Variants in PCDHGB2 observed in about 807,000 individuals in gnomAD.
PCDHGB2 encodes the protein protocadherin gamma subfamily B, 2, also known as protocadherin gamma-B2.
PCDHGB2 carries 55 observed loss-of-function variants against 59.3 expected under a neutral mutation model. The ratio of observed to expected loss-of-function variants is 0.93; its 90% CI spans 0.75 to 1.16. PCDHGB2 has a LOEUF of 1.16. PCDHGB2 is among the 50% of genes most tolerant of loss of function. PCDHGB2 has a pLI of 0.00. For synonymous variants in PCDHGB2, 516 were observed against 512.0 expected, an observed-to-expected ratio of 1.01 and a Z score of -0.11; for missense variants, 1,228 against 1,198.5, an observed-to-expected ratio of 1.02 and a Z score of -0.36.
rs758266181 is a variant in PCDHGB2 at position 141,476,561 on chromosome 5, G to A, written c.2422-18246G>A. 1.9e-6 allele frequency: 3 copies of A among 1,614,100 alleles called. No homozygotes were observed. The highest frequency in any genetic ancestry group is 2.5e-6 in the Non-Finnish European group (3 of 1,180,050). Reference sequence around the variant, plus strand: ...GAAATTGGAGATTAGCGAGGCCGTGGCTCCGGGGACGCGCTTTCCGCTCGA... The same window carrying A: ...GAAATTGGAGATTAGCGAGGCCGTGACTCCGGGGACGCGCTTTCCGCTCGA... On this transcript the variant is annotated intron_variant, in intron 1 of 3. Coordinates refer to ENST00000522605, the MANE Select transcript of PCDHGB2 (RefSeq NM_018923.3). This position sits in a 1 kb window ranked among gnomAD's most constrained non-coding sequence, Gnocchi z 7.6.
chr5:141,365,310 T>C (rs1471610081), intron 1 of PCDHGB2: 1 of 1,613,896 alleles, frequency 6.2e-7, no homozygotes, highest in Admixed American at 1.7e-5. Flanking sequence ...GGAGGCGCTC[T>C]TGTTGCCAGC....
intron 1 of PCDHGB2, chr5:141,408,748 T>A (rs757813921): frequency 2.5e-6 from 4 of 1,608,714 alleles, no homozygotes; most frequent in Non-Finnish European, 3.4e-6. Flanking sequence ...CATTAATGGT[T>A]AGAGTTAATT....
intron 1 of PCDHGB2, chr5:141,366,989 A>G (rs546484165): frequency 2.1e-6 from 1 of 480,916 alleles, no homozygotes; most frequent in African/African-American, 2.0e-5. Flanking sequence ...GAAAGTGGTT[A>G]AATATAATCA....
rs372458558 is a variant in PCDHGB2, at chr5:141,384,112, G to A, written c.2421+21556G>A. On this transcript the variant is annotated intron_variant, in intron 1 of 3. Transcript: ENST00000522605. ...ATCAATAGATAATTATTATAGATTG[G>A]TCACAACCAAAAACTTGGACCGGGA... The A allele has an allele frequency of 8.1e-6, 13 of 1,605,274 alleles. No individual in the cohort carries two copies. The South Asian group carries it at 8.9e-5, about 11-fold the overall frequency.
chr5:141,361,332 G>C lies in PCDHGB2; in HGVS notation c.1197G>C (p.Lys399Asn), dbSNP rs544332613. Residue 399 changes from lysine to asparagine, a missense_variant, in exon 1 of 4, where the codon AAG becomes AAC. Around this residue, in one of 3 missense-constraint regions of PCDHGB2, gnomAD observed 781 missense variants for 721.6 expected, o/e 1.08. Transcript: ENST00000522605. ...AGTTTATTTTGAAATCTTCCTCAAA[G>C]AACTATTACAAACTAGTGACAGACG... ...NAKFILKSSS[K>N]NYYKLVTDGA... is the part of the protein sequence containing the mutation. The C allele has an allele frequency of 6.2e-7, 1 of 1,613,934 alleles. No individual in the cohort carries two copies. Among genetic ancestry groups the C allele is most frequent in the African/African-American group, 1.3e-5 (1 of 75,038 alleles).
Position 141,499,029 on chromosome 5 carries a change from A to AAGGAAGG in PCDHGB2, c.2480+4165_2480+4166insGGAAGGA, listed in dbSNP as rs1562187768. Among the ~76,000 whole-genome samples, 348 of 140,068 alleles carry AAGGAAGG rather than the reference A, an allele frequency of 2.5e-3. 2 individuals carry two copies. The highest frequency in any genetic ancestry group is 9.3e-3 in the African/African-American group (335 of 36,066). The allele number at this position is 140,068 out of a possible 152,430, so 91.9% of individuals were successfully genotyped here. ...GGAAGGAAGGAAGGAAGGAAGGAAG[A>AAGGAAGG]AAAGAAAGAAAAAGGGAGAAAAAAT... is the stretch of plus-strand genomic sequence containing the variant. On this transcript the variant is annotated intron_variant, in intron 2 of 3. Transcript: ENST00000522605.
In PCDHGB2 at chr5:141,432,460, C is replaced by T; in HGVS notation, c.2422-62347C>T. The T allele has an allele frequency of 6.2e-7, 1 of 1,614,208 alleles. No homozygotes were observed. The highest frequency in any genetic ancestry group is 8.5e-7 in the Non-Finnish European group (1 of 1,180,044). On this transcript the variant is annotated intron_variant, in intron 1 of 3. Transcript: ENST00000522605. This position sits in a 1 kb window ranked among gnomAD's most constrained non-coding sequence, Gnocchi z 6.0. ...CGCCCGAGATCCTGTACCCCGCCCTCCCCACGGACGGTTCCACTGGCGTGG... is the reference window on the plus strand; with the variant it reads ...CGCCCGAGATCCTGTACCCCGCCCTTCCCACGGACGGTTCCACTGGCGTGG...
At chr5:141,467,704 C>T (rs2099149502) in intron 1 of PCDHGB2, among the ~76,000 whole-genome samples, 2 of 152,174 alleles carry the variant, frequency 1.3e-5, no homozygotes. Flanking sequence ...CTCTGTTGCC[C>T]AGGCTGGAGT....
chr5:141,365,834 T>C (rs980364147), intron 1 of PCDHGB2: 8 of 1,613,928 alleles, frequency 5.0e-6, no homozygotes, highest in South Asian at 1.1e-5. Flanking sequence ...GGCGCCCTTG[T>C]CCTCCTATGT....
intron 1 of PCDHGB2, chr5:141,426,390 C>T (rs1211244710): frequency 7.9e-6 from 2 of 252,180 alleles, no homozygotes; most frequent in African/African-American, 4.4e-5. Flanking sequence ...AGATCCGCTA[C>T]TCTATTCCAG....
chr5:141,448,044 C>T (rs2098559539), intron 1 of PCDHGB2, among the ~76,000 whole-genome samples: 1 of 151,942 alleles, frequency 6.6e-6, no homozygotes, highest in African/African-American at 2.4e-5. Context: ...CAAGATCATG[C>T]CATTGCTCTC....
Position 141,427,474 on chromosome 5 carries a change from A to T in PCDHGB2, c.2421+64918A>T, listed in dbSNP as rs373512099. On this transcript the variant is annotated intron_variant, in intron 1 of 3. Transcript: ENST00000522605. The stretch of plus-strand genomic sequence containing the variant: ...CCTTTTAGAATCGAATCTTCCGCCA[A>T]TAATGACTATAAGCTTGTAACAGAT... 10 of 520,294 alleles carry T rather than the reference A, an allele frequency of 1.9e-5. No individual in the cohort carries two copies. In the East Asian group the frequency reaches 2.1e-4, roughly 11 times the overall value. The allele number at this position is 520,294 out of a possible 1,614,324, so 32.2% of individuals were successfully genotyped here. A position where few individuals can be genotyped will look rare whatever the true frequency, so the allele number is the denominator to read the frequency against.
intron 1 of PCDHGB2, chr5:141,384,810 C>G: frequency 6.2e-7 from 1 of 1,613,420 alleles, no homozygotes; most frequent in Non-Finnish European, 8.5e-7. Flanking sequence ...ACAGAGATGC[C>G]CTCAAGCAGA....
At position 141,487,710 on chromosome 5, in the gene PCDHGB2, G is replaced by A. The variant is rs199722860; in HGVS notation, c.2422-7097G>A. ...CTAGAGAGTACTGGCCTCTCAGTAA[G>A]TGCCCATAGTGATGTCACCATTTTT... On this transcript the variant is annotated intron_variant, in intron 1 of 3. Transcript: ENST00000522605. The surrounding 1 kb of genome is among the most constrained non-coding windows in gnomAD (Gnocchi z 5.0). 3.8e-4 allele frequency: 596 copies of A among 1,586,168 alleles called. No individual in the cohort carries two copies. The highest frequency in any genetic ancestry group is 4.5e-4 in the Non-Finnish European group (529 of 1,164,386).
intron 1 of PCDHGB2, chr5:141,388,657 G>T (rs769160604): frequency 6.8e-6 from 11 of 1,613,878 alleles, no homozygotes; most frequent in Admixed American, 1.7e-5. Context: ...GTGTACCCGG[G>T]GACCACGGTG....
At chr5:141,415,094 A>G in intron 1 of PCDHGB2, 1 of 1,613,530 alleles carries the variant, frequency 6.2e-7, no homozygotes, top group Non-Finnish European at 8.5e-7. Flanking sequence ...CTGGACAGAG[A>G]CGCGCTCAAG....
intron 1 of PCDHGB2, among the ~76,000 whole-genome samples, chr5:141,464,076 C>A (rs561982216): frequency 3.1e-4 from 47 of 152,132 alleles, no homozygotes; most frequent in African/African-American, 9.4e-4. Context: ...GCCAGCCTGG[C>A]CAACATGGTG....
At chr5:141,484,639 C>A (rs1366750263) in intron 1 of PCDHGB2, among the ~76,000 whole-genome samples, 1 of 151,938 alleles carries the variant, frequency 6.6e-6, no homozygotes, top group Non-Finnish European at 1.5e-5. Context: ...AGTGACCACT[C>A]TCCAATGGCT....
chr5:141,394,619 C>T, intron 1 of PCDHGB2: 1 of 1,613,528 alleles, frequency 6.2e-7, no homozygotes, highest in Non-Finnish European at 8.5e-7. Flanking sequence ...GCCAGAACGC[C>T]TGGCTGTCCT....
Sources: allele counts gnomAD v4.1 joint callset (sites outside exome capture counted in the v4.1 genomes callset), GRCh38; gene constraint gnomAD v4.1.1; regional missense constraint gnomAD v4.1.1; non-coding constraint Gnocchi (gnomAD v3.1); transcripts MANE v1.5; gene names NCBI Gene and HGNC (gene_info 2026-07-23, HGNC 2026-07-21).